SH3RF2: variants seen among roughly 807,000 people sequenced by gnomAD.
SH3RF2 encodes SH3 domain containing ring finger 2, also known as E3 ubiquitin-protein ligase SH3RF2.
A neutral mutation model predicts 59.0 loss-of-function variants in SH3RF2; 43 were observed. That is an observed-to-expected ratio of 0.73 (90% CI 0.57 to 0.94). SH3RF2 has a LOEUF of 0.94. Among genes scored for constraint, SH3RF2 ranks in the 40% least tolerant of loss-of-function variants. The probability of loss-of-function intolerance (pLI) is 0.00; values close to 1 mark genes in which losing one functional copy is unlikely to be tolerated. For synonymous variants in SH3RF2, 391 were observed against 391.5 expected (o/e 1.00, Z 0.01); for missense variants, 930 against 940.1 (o/e 0.99, Z 0.14).
chr5:146,041,747 T>C (rs949353656), intron 5 of SH3RF2, among the ~76,000 whole-genome samples: 5 of 152,062 alleles, frequency 3.3e-5, no homozygotes, highest in Non-Finnish European at 5.9e-5. Context: ...CTGGGCAACG[T>C]GGTGGAACCC....
At chr5:146,010,351 G>A (rs780011972) in intron 4 of SH3RF2, among the ~76,000 whole-genome samples, 1 of 152,186 alleles carries the variant, frequency 6.6e-6, no homozygotes, top group East Asian at 1.9e-4. Flanking sequence ...GTGTGCATGT[G>A]TCTTCATAGC....
rs781666096 is a variant in SH3RF2, at chr5:146,062,569, C to T, written c.2058C>T (p.Thr686=). The change falls in exon 10 of 10, where the codon ACC becomes ACT. Residue 686 remains threonine (T), a synonymous_variant. Coordinates refer to ENST00000359120, the MANE Select transcript of SH3RF2 (RefSeq NM_152550.4). The part of the protein sequence containing the change: ...PEAASLGPEM[T]VLFAHRSGCH... The stretch of plus-strand genomic sequence containing the variant: ...CAGCGTCCTTGGGCCCAGAGATGAC[C>T]GTCCTATTTGCCCACCGAAGTGGCT... The T allele has an allele frequency of 1.5e-5, 25 of 1,614,020 alleles. No homozygotes were observed. Among genetic ancestry groups the T allele is most frequent in the Non-Finnish European group, 1.9e-5 (23 of 1,180,020 alleles).
chr5:145,946,402 G>A (rs568579311), intron 2 of SH3RF2, among the ~76,000 whole-genome samples: 21 of 152,234 alleles, frequency 1.4e-4, no homozygotes, highest in African/African-American at 4.8e-4. Flanking sequence ...TAATGGAAGA[G>A]TAAATAAATA....
chr5:146,025,518 G>A (rs529397242), intron 5 of SH3RF2, among the ~76,000 whole-genome samples: 70 of 152,364 alleles, frequency 4.6e-4, no homozygotes, highest in African/African-American at 1.5e-3. Context: ...AAAGATTGAT[G>A]TGGGGTTGAA....
chr5:145,964,990 C>T (rs1485240746), intron 2 of SH3RF2, among the ~76,000 whole-genome samples: 1 of 151,888 alleles, frequency 6.6e-6, no homozygotes, highest in Non-Finnish European at 1.5e-5. Flanking sequence ...CTCAGGAGTT[C>T]GAGACTAGCC....
chr5:146,010,090 C>T (rs1760814719), intron 4 of SH3RF2, among the ~76,000 whole-genome samples: 1 of 151,828 alleles, frequency 6.6e-6, no homozygotes, highest in African/African-American at 2.4e-5. Context: ...CAAGTGTTCT[C>T]ATTGTTCAAT....
chr5:146,032,090 G>C (rs574039654), intron 5 of SH3RF2, among the ~76,000 whole-genome samples: 1 of 152,150 alleles, frequency 6.6e-6, no homozygotes, highest in Non-Finnish European at 1.5e-5. Flanking sequence ...CCTTTATGGT[G>C]TATATTTTAT....
chr5:146,053,740 CT>C (rs1762577435), intron 7 of SH3RF2, among the ~76,000 whole-genome samples: 1 of 152,226 alleles, frequency 6.6e-6, no homozygotes, highest in Non-Finnish European at 1.5e-5. Context: ...GGATCTTCCT[CT>C]TTCTTGCAAC....
chr5:146,056,266 G>T, intron 8 of SH3RF2, 53 bp downstream of exon 8: 2 of 1,611,802 alleles, frequency 1.2e-6, no homozygotes, highest in South Asian at 2.2e-5. Flanking sequence ...GGGGGAATCT[G>T]ACCCAGGGGT....
chr5:145,992,986 C>T (rs6895580), intron 2 of SH3RF2, among the ~76,000 whole-genome samples: 92,380 of 151,842 alleles, frequency 0.61, 28,378 homozygotes, highest in Middle Eastern at 0.8. Context: ...CTTTCACCTA[C>T]GAGCCTGTAA....
intron 2 of SH3RF2, 64 bp downstream of exon 2, chr5:145,938,370 G>A: frequency 1.4e-6 from 2 of 1,473,786 alleles, no homozygotes; most frequent in Non-Finnish European, 1.8e-6. Context: ...TATACAAGGA[G>A]CTAGAGATTA....
chr5:146,008,779 A>G (rs573846676), intron 4 of SH3RF2, among the ~76,000 whole-genome samples: 23 of 152,172 alleles, frequency 1.5e-4, no homozygotes, highest in Non-Finnish European at 3.2e-4. Flanking sequence ...CTTCCCCTTT[A>G]TAGTCAATTT....
At chr5:146,069,736 G>A (rs1035141981) in intron 9 of SH3RF2, among the ~76,000 whole-genome samples, 1 of 151,998 alleles carries the variant, frequency 6.6e-6, no homozygotes, top group Non-Finnish European at 1.5e-5. Flanking sequence ...ACCACACCCA[G>A]CTAATTTTTG....
At chr5:145,970,471 G>A (rs934377640) in intron 2 of SH3RF2, among the ~76,000 whole-genome samples, 3 of 152,172 alleles carry the variant, frequency 2.0e-5, no homozygotes, top group Admixed American at 1.3e-4. Flanking sequence ...TTATGGATGA[G>A]TAGTATTCCA....
intron 2 of SH3RF2, among the ~76,000 whole-genome samples, chr5:145,960,752 TG>T (rs1344101844): frequency 6.6e-6 from 1 of 152,124 alleles, no homozygotes; most frequent in Non-Finnish European, 1.5e-5. Context: ...TTTTTACCCA[TG>T]GAAGTCTACA....
At chr5:145,959,666 C>CATATATATAT (rs112801991) in intron 2 of SH3RF2, among the ~76,000 whole-genome samples, 2 of 142,266 alleles carry the variant, frequency 1.4e-5, no homozygotes, top group African/African-American at 5.1e-5. Context: ...TGTGTGTATA[C>CATATATATAT]ATATATATAT....
chr5:146,030,771 G>T, intron 5 of SH3RF2, among the ~76,000 whole-genome samples: 1 of 143,222 alleles, frequency 7.0e-6, no homozygotes, highest in Non-Finnish European at 1.5e-5. Context: ...GCAGGGGTGG[G>T]GGGTGAAAAT....
chr5:145,971,086 A>G (rs1393288818), intron 2 of SH3RF2, among the ~76,000 whole-genome samples: 1 of 152,192 alleles, frequency 6.6e-6, no homozygotes, highest in Non-Finnish European at 1.5e-5. Context: ...TTCCCTGATC[A>G]GGGCTCCACT....
intron 2 of SH3RF2, among the ~76,000 whole-genome samples, chr5:145,966,258 T>C (rs1758851413): frequency 6.6e-6 from 1 of 152,144 alleles, no homozygotes; most frequent in Admixed American, 6.5e-5. Context: ...TGGGAAAACC[T>C]ACCCAGAGAA....
Sources: gnomAD v4.1 joint callset for allele counts (sites outside exome capture counted in the v4.1 genomes callset) on GRCh38, gnomAD v4.1.1 for gene constraint, MANE v1.5 for transcripts, NCBI Gene and HGNC (gene_info 2026-07-23, HGNC 2026-07-21) for gene names.